SDHC: variants seen among roughly 807,000 people sequenced by gnomAD.
SDHC encodes the protein succinate dehydrogenase complex subunit C.
SDHC carries 11 observed loss-of-function variants against 22.6 expected under a neutral mutation model. That is an observed-to-expected ratio of 0.49 (90% CI 0.31 to 0.81). The LOEUF is 0.81. SDHC is among the 30% of genes least tolerant of loss of function. The pLI, the probability that SDHC is intolerant of heterozygous loss-of-function variation, is 0.05. For missense variants in SDHC, 160 were observed against 212.0 expected, an observed-to-expected ratio of 0.75 and a Z score of 1.52; for synonymous variants, 80 against 77.8, an observed-to-expected ratio of 1.03 and a Z score of -0.15.
At chr1:161,320,436 G>C (rs1005153741) in intron 1 of SDHC, among the ~76,000 whole-genome samples, 1 of 152,058 alleles carries the variant, frequency 6.6e-6, no homozygotes, top group Non-Finnish European at 1.5e-5. Context: ...TTATATTACA[G>C]TCATATAATG....
At chr1:161,329,970 A>G (rs138027340) in intron 3 of SDHC, among the ~76,000 whole-genome samples, 12 of 152,296 alleles carry the variant, frequency 7.9e-5, no homozygotes, top group African/African-American at 2.9e-4. Context: ...CTCCCCAAAT[A>G]TTTCAGGACA....
intron 1 of SDHC, among the ~76,000 whole-genome samples, chr1:161,318,613 T>C (rs1421990729): frequency 2.0e-5 from 3 of 152,242 alleles, no homozygotes; most frequent in African/African-American, 7.2e-5. Context: ...TGCCCCTAAA[T>C]ATTAAGGTTT....
intron 5 of SDHC, among the ~76,000 whole-genome samples, chr1:161,358,130 A>T (rs866419058): frequency 7.1e-6 from 1 of 140,940 alleles, no homozygotes; most frequent in Admixed American, 7.7e-5. Flanking sequence ...TCCACCTCCC[A>T]GGTTCAAGTG....
At chr1:161,340,023 AC>A (rs1485980009) in intron 3 of SDHC, among the ~76,000 whole-genome samples, 1 of 151,964 alleles carries the variant, frequency 6.6e-6, no homozygotes, top group African/African-American at 2.4e-5. Flanking sequence ...ACGGCTGGGC[AC>A]AGTGGCTCAC....
At chr1:161,347,586 G>T (rs540368163) in intron 4 of SDHC, among the ~76,000 whole-genome samples, 19 of 151,546 alleles carry the variant, frequency 1.3e-4, no homozygotes, top group African/African-American at 4.6e-4. Flanking sequence ...GTGTTTATGG[G>T]GCCAGGCGCG....
intron 1 of SDHC, among the ~76,000 whole-genome samples, chr1:161,317,544 T>G (rs1359506894): frequency 7.1e-6 from 1 of 141,148 alleles, no homozygotes; most frequent in East Asian, 2.1e-4. Flanking sequence ...TGTGTGTGTG[T>G]GTGTGGTTTT....
At chr1:161,335,222 T>C (rs1671430119) in intron 3 of SDHC, among the ~76,000 whole-genome samples, 1 of 152,224 alleles carries the variant, frequency 6.6e-6, no homozygotes, top group Non-Finnish European at 1.5e-5. Context: ...TCAGGAGGCA[T>C]GTGCTAATGA....
chr1:161,320,971 C>T (rs1571839589), intron 1 of SDHC, among the ~76,000 whole-genome samples: 1 of 152,004 alleles, frequency 6.6e-6, no homozygotes, highest in South Asian at 2.1e-4. Flanking sequence ...GGATCACAGG[C>T]GTGCGCCACT....
chr1:161,345,732 A>G (rs1671869986), intron 4 of SDHC, among the ~76,000 whole-genome samples: 1 of 152,156 alleles, frequency 6.6e-6, no homozygotes, highest in Non-Finnish European at 1.5e-5. Flanking sequence ...TTGGGATTAC[A>G]GGCTTGAGCC....
chr1:161,358,552 G>C (rs1185380111), intron 5 of SDHC, among the ~76,000 whole-genome samples: 1 of 151,978 alleles, frequency 6.6e-6, no homozygotes, highest in Admixed American at 6.6e-5. Context: ...TGGGAGGATC[G>C]AATGAGCCTG....
In SDHC at chr1:161,314,435, G is replaced by T; in HGVS notation, c.20+10G>T. The T allele has an allele frequency of 6.3e-7, 1 of 1,580,984 alleles. No individual in the cohort carries two copies. Among genetic ancestry groups the T allele is most frequent in the East Asian group, 2.3e-5 (1 of 42,938 alleles). On this transcript the variant is annotated intron_variant, in intron 1 of 5. Coordinates refer to ENST00000367975, the MANE Select transcript of SDHC (RefSeq NM_003001.5). Reference sequence around the variant, plus strand: ...CTGCGCTGTTGCTGAGGTGACTTCAGTGGGACTGGGAGTTGGTGCCTGCGG... The same window carrying T: ...CTGCGCTGTTGCTGAGGTGACTTCATTGGGACTGGGAGTTGGTGCCTGCGG...
chr1:161,331,699 G>T (rs950948727), intron 3 of SDHC, among the ~76,000 whole-genome samples: 1 of 150,948 alleles, frequency 6.6e-6, no homozygotes, highest in Non-Finnish European at 1.5e-5. Context: ...TGGTTCACGC[G>T]GTTCTCCTGC....
chr1:161,320,065 G>T (rs765231732), intron 1 of SDHC, among the ~76,000 whole-genome samples: 2 of 152,170 alleles, frequency 1.3e-5, no homozygotes, highest in Non-Finnish European at 2.9e-5. Context: ...ATTAGTGTTG[G>T]TGTTATTGAA....
intron 4 of SDHC, among the ~76,000 whole-genome samples, chr1:161,342,961 A>G (rs1163943514): frequency 1.3e-5 from 2 of 152,184 alleles, no homozygotes; most frequent in Non-Finnish European, 2.9e-5. Context: ...CCTGGGAGCA[A>G]TGCCTAAGTT....
At chr1:161,321,017 G>C (rs916343582) in intron 1 of SDHC, among the ~76,000 whole-genome samples, 1 of 152,018 alleles carries the variant, frequency 6.6e-6, no homozygotes, top group Non-Finnish European at 1.5e-5. Flanking sequence ...AATAGAGACG[G>C]GGTTTCATCA....
chr1:161,335,392 TACTC>T (rs1671438633), intron 3 of SDHC, among the ~76,000 whole-genome samples: 1 of 152,220 alleles, frequency 6.6e-6, no homozygotes, highest in African/African-American at 2.4e-5. Flanking sequence ...ATCAGATATT[TACTC>T]ACCAGTATCT....
intron 3 of SDHC, among the ~76,000 whole-genome samples, chr1:161,338,157 T>G (rs1037229911): frequency 6.2e-4 from 94 of 152,232 alleles, no homozygotes; most frequent in African/African-American, 2.2e-3. Flanking sequence ...TTCTTCCACC[T>G]TTTATATTTC....
Position 161,323,686 on chromosome 1 carries a change from T to A in SDHC, c.77+16T>A. 1 of 1,592,276 alleles carries A rather than the reference T, an allele frequency of 6.3e-7. No individual in the cohort carries two copies. Among genetic ancestry groups the A allele is most frequent in the East Asian group, 2.2e-5 (1 of 44,556 alleles). Reference sequence around the variant, plus strand: ...GTATCAGAAAGTAAGTTTCTAAGTCTGGAGATTATTTATTTATTTTTTTTT... The same window carrying A: ...GTATCAGAAAGTAAGTTTCTAAGTCAGGAGATTATTTATTTATTTTTTTTT... On this transcript the variant is annotated intron_variant, in intron 2 of 5. Coordinates refer to ENST00000367975, the MANE Select transcript of SDHC (RefSeq NM_003001.5).
In SDHC at chr1:161,362,960, G is replaced by C. The variant is rs886045481; in HGVS notation, c.*527G>C. The C allele has an allele frequency of 6.2e-6, 2 of 324,994 alleles. No homozygotes were observed. The highest frequency in any genetic ancestry group is 1.2e-5 in the Non-Finnish European group (2 of 173,912). 20.1% of individuals were successfully genotyped at this position (324,994 alleles called of 1,614,324 possible). A position where few individuals can be genotyped will look rare whatever the true frequency, so the allele number is the denominator to read the frequency against. On this transcript the variant is annotated 3_prime_UTR_variant, in exon 6 of 6. Coordinates refer to ENST00000367975, the MANE Select transcript of SDHC (RefSeq NM_003001.5). The stretch of plus-strand genomic sequence containing the variant: ...GAGAGGTGGGGGTGGAGGGGAATTA[G>C]TCTGTCCCAGCTAGAGGGAGATAAA...
Sources: gnomAD v4.1 joint callset for allele counts (sites outside exome capture counted in the v4.1 genomes callset) on GRCh38, gnomAD v4.1.1 for gene constraint, MANE v1.5 for transcripts, NCBI Gene and HGNC (gene_info 2026-07-23, HGNC 2026-07-21) for gene names.